Variants in SHANK2 observed in about 807,000 individuals in gnomAD.
SHANK2 encodes the protein SH3 and multiple ankyrin repeat domains protein 2.
Under a neutral mutation model 133.7 loss-of-function variants are expected in SHANK2, and 43 were observed. The ratio of observed to expected loss-of-function variants is 0.32; its 90% CI spans 0.25 to 0.41. The LOEUF (loss-of-function observed/expected upper bound fraction) is 0.41. SHANK2 is among the 10% of genes least tolerant of loss of function. The probability of loss-of-function intolerance (pLI) is 1.00; values close to 1 mark genes in which losing one functional copy is unlikely to be tolerated. For synonymous variants in SHANK2, 1,017 were observed against 952.8 expected, an observed-to-expected ratio of 1.07 and a Z score of -1.24; for missense variants, 1,994 against 2,235.8, an observed-to-expected ratio of 0.89 and a Z score of 2.18.
At chr11:70,754,014 G>A (rs781993187) in intron 14 of SHANK2, among the ~76,000 whole-genome samples, 2 of 152,170 alleles carry the variant, frequency 1.3e-5, no homozygotes, top group African/African-American at 2.4e-5. Flanking sequence ...GTTTCACCAC[G>A]TTGGCTAGGC....
At chr11:71,114,828 C>G (rs1951949645) in intron 4 of SHANK2, among the ~76,000 whole-genome samples, 1 of 152,104 alleles carries the variant, frequency 6.6e-6, no homozygotes, top group South Asian at 2.1e-4. Flanking sequence ...TGTGGCTAAG[C>G]TTAAAAGTCT....
In SHANK2 at chr11:70,659,890, A is replaced by C. The variant is rs782156889; in HGVS notation, c.1999T>G (p.Ser667Ala). 2 of 1,613,916 alleles carry C rather than the reference A, an allele frequency of 1.2e-6. No homozygotes were observed. The highest frequency in any genetic ancestry group is 1.7e-6 in the Non-Finnish European group (2 of 1,179,984). The change falls in exon 17 of 26, where the codon TCC (serine) becomes GCC (alanine). Residue 667 changes from serine (S) to alanine (A), a missense_variant. Coordinates refer to ENST00000601538, the MANE Select transcript of SHANK2 (RefSeq NM_012309.5). ...PAFPALQYLE[S>A]VDEGGVAWQA... The stretch of plus-strand genomic sequence containing the variant: ...CACGCCACCCCACCTTCATCCACGG[A>C]CTCCAGGTACTGTAGGGCTGGGAAA...
chr11:70,803,456 C>G (rs2135252329), intron 13 of SHANK2, among the ~76,000 whole-genome samples: 1 of 36,802 alleles, frequency 2.7e-5, no homozygotes, highest in Admixed American at 2.9e-4. Context: ...GGGAAACAAA[C>G]AAGAAGAAGA....
chr11:71,168,191 G>A lies in SHANK2; in HGVS notation c.-12-20853C>T, dbSNP rs563889833. ...ACGCTCCTCACATCCCGCACGGGGC[G>A]GCAGGGCAGAGGTGCTCCCCACATC... is the stretch of plus-strand genomic sequence containing the variant. On this transcript the variant is annotated intron_variant, in intron 2 of 25. Transcript: ENST00000601538. Among the ~76,000 whole-genome samples the A allele has an allele frequency of 6.2e-4, 85 of 136,062 alleles. 18 individuals carry two copies. The highest frequency in any genetic ancestry group is 2.0e-3 in the African/African-American group (67 of 34,106). The allele number at this position is 136,062 out of a possible 152,430, so 89.3% of individuals were successfully genotyped here. A position where few individuals can be genotyped will look rare whatever the true frequency, so the allele number is the denominator to read the frequency against.
At chr11:71,139,952 G>T (rs1416175221) in intron 3 of SHANK2, among the ~76,000 whole-genome samples, 1 of 152,188 alleles carries the variant, frequency 6.6e-6, no homozygotes, top group Non-Finnish European at 1.5e-5. Flanking sequence ...GGCATTGGGG[G>T]AGAAAAGGGG....
intron 14 of SHANK2, among the ~76,000 whole-genome samples, chr11:70,730,005 C>T (rs1946252881): frequency 6.6e-6 from 1 of 151,974 alleles, no homozygotes; most frequent in Non-Finnish European, 1.5e-5. Flanking sequence ...AAAACCGCCT[C>T]TCCCTGCCTC....
At chr11:70,577,786 C>G (rs554685081) in intron 17 of SHANK2, among the ~76,000 whole-genome samples, 1 of 152,176 alleles carries the variant, frequency 6.6e-6, no homozygotes, top group Non-Finnish European at 1.5e-5. Flanking sequence ...ACAGTCCCGA[C>G]CCCCACAACC....
rs527827483 is a variant in SHANK2, at chr11:71,111,292, G to A, written c.484-1243C>T. 3.9e-5 allele frequency among the ~76,000 whole-genome samples: 6 copies of A among 152,298 alleles called. No homozygotes were observed. In the South Asian group the frequency reaches 1.2e-3, roughly 32 times the overall value. On this transcript the variant is annotated intron_variant, in intron 5 of 25. Coordinates refer to ENST00000601538, the MANE Select transcript of SHANK2 (RefSeq NM_012309.5). ...CCCCAGGGAGTGAGGCCCGCAGATTGGTACTTAACCCACTTTGTGGTGAAC... is the reference window on the plus strand; with the variant it reads ...CCCCAGGGAGTGAGGCCCGCAGATTAGTACTTAACCCACTTTGTGGTGAAC...
intron 1 of SHANK2, among the ~76,000 whole-genome samples, chr11:71,237,676 T>C: frequency 6.6e-6 from 1 of 152,272 alleles, no homozygotes; most frequent in African/African-American, 2.4e-5. Context: ...ATCCTGTTTG[T>C]CTAACACCAA....
At chr11:71,141,494 C>T (rs779105146) in intron 3 of SHANK2, among the ~76,000 whole-genome samples, 3 of 151,978 alleles carry the variant, frequency 2.0e-5, no homozygotes, top group East Asian at 1.9e-4. Flanking sequence ...GGCAAGAGAG[C>T]GAGACTCTTT....
chr11:70,781,406 C>T lies in SHANK2; in HGVS notation c.1777+17037G>A, dbSNP rs933079627. 1.3e-4 allele frequency among the ~76,000 whole-genome samples: 19 copies of T among 151,096 alleles called. 1 individual carries two copies. Among genetic ancestry groups the T allele is most frequent in the African/African-American group, 4.6e-4 (19 of 41,050 alleles). On this transcript the variant is annotated intron_variant, in intron 14 of 25. Transcript: ENST00000601538. ...CTGGTGCAAACCTCTGAAGCTCCCC[C>T]AACCCAGGCATCTCTGAGAGCCTTA...
chr11:70,532,638 GAA>G lies in SHANK2; in HGVS notation c.2062-29709_2062-29708del, dbSNP rs553345723. ...CTCCCAATACAGTCCATTGTCCATG[GAA>G]AAAAAAAAAAAAGCATTTAGTGGGA... On this transcript the variant is annotated intron_variant, in intron 17 of 25. Transcript: ENST00000601538. Among the ~76,000 whole-genome samples the G allele has an allele frequency of 4.4e-4, 59 of 133,440 alleles. No homozygotes were observed. In the East Asian group the frequency reaches 5.7e-3, roughly 13 times the overall value. The allele number at this position is 133,440 out of a possible 152,430, so 87.5% of individuals were successfully genotyped here.
chr11:71,229,963 G>A (rs1191500597), intron 1 of SHANK2, among the ~76,000 whole-genome samples: 4 of 152,096 alleles, frequency 2.6e-5, no homozygotes, highest in African/African-American at 9.7e-5. Context: ...AAACTGATGT[G>A]CAGGTGATGA....
intron 2 of SHANK2, among the ~76,000 whole-genome samples, chr11:71,187,692 G>C (rs1466957178): frequency 6.6e-6 from 1 of 152,178 alleles, no homozygotes; most frequent in African/African-American, 2.4e-5. Context: ...GGCAGTACTT[G>C]GTGGGTTTCT....
At chr11:70,933,623 A>T (rs998297654) in intron 10 of SHANK2, among the ~76,000 whole-genome samples, 2 of 152,226 alleles carry the variant, frequency 1.3e-5, no homozygotes, top group Non-Finnish European at 1.5e-5. Context: ...GTAATTTTTT[A>T]AAAAAGCAAC....
Position 70,730,261 on chromosome 11 carries a change from C to T in SHANK2, c.1778-31498G>A, listed in dbSNP as rs73527955. ...AAGCAGGATGTGTACATTGGTTCAACGAACACCTAGACTGTGAGTTCCTGG... is the reference window on the plus strand; with the variant it reads ...AAGCAGGATGTGTACATTGGTTCAATGAACACCTAGACTGTGAGTTCCTGG... On this transcript the variant is annotated intron_variant, in intron 14 of 25. Transcript: ENST00000601538. Among the ~76,000 whole-genome samples, 809 of 152,242 alleles carry T rather than the reference C, an allele frequency of 5.3e-3. 8 individuals are homozygous for T. The highest frequency in any genetic ancestry group is 0.018 in the African/African-American group (761 of 41,530).
chr11:70,491,741 C>T (rs2058889431), intron 22 of SHANK2, among the ~76,000 whole-genome samples: 1 of 152,214 alleles, frequency 6.6e-6, no homozygotes, highest in South Asian at 2.1e-4. Flanking sequence ...CAGGACGTGC[C>T]TGGGGGAATC....
In SHANK2 at chr11:70,885,012, C is replaced by T. The variant is rs1232093448; in HGVS notation, c.1174+11489G>A. On this transcript the variant is annotated intron_variant, in intron 11 of 25. Coordinates refer to ENST00000601538, the MANE Select transcript of SHANK2 (RefSeq NM_012309.5). ...CTGGGATTACAGGCGTGAGACACTGCGCCCAGCCAGGGGTCTTTTCTAAAT... is the reference window on the plus strand; with the variant it reads ...CTGGGATTACAGGCGTGAGACACTGTGCCCAGCCAGGGGTCTTTTCTAAAT... Among the ~76,000 whole-genome samples, 38 of 152,164 alleles carry T rather than the reference C, an allele frequency of 2.5e-4. 1 individual carries two copies. The highest frequency in any genetic ancestry group is 2.0e-3 in the Admixed American group (30 of 15,274).
Position 71,094,548 on chromosome 11 carries a change from C to A in SHANK2, c.733G>T (p.Val245Phe). The A allele has an allele frequency of 6.4e-7, 1 of 1,550,766 alleles. No homozygotes were observed. The highest frequency in any genetic ancestry group is 8.7e-7 in the Non-Finnish European group (1 of 1,146,302). The change falls in exon 7 of 26, where the codon GTT (valine) becomes TTT (phenylalanine). Residue 245 changes from valine to phenylalanine, a missense_variant. Coordinates refer to ENST00000601538, the MANE Select transcript of SHANK2 (RefSeq NM_012309.5). ...LHKAARARNQ[V>F]ALKTLLELGA... ...GGGCCCGAGTTTACCTTCAGGGCAA[C>A]TTGGTTCCTCGCTCGGGCAGCTTTG...
Sources: allele counts gnomAD v4.1 joint callset (sites outside exome capture counted in the v4.1 genomes callset), GRCh38; gene constraint gnomAD v4.1.1; transcripts MANE v1.5; gene names NCBI Gene and HGNC (gene_info 2026-07-23, HGNC 2026-07-21).